Variants in FAM168B observed in about 807,000 individuals in gnomAD.
FAM168B encodes the protein myelin-associated neurite-outgrowth inhibitor.
Under a neutral mutation model 21.8 loss-of-function variants are expected in FAM168B, and 19 were observed. The ratio of observed to expected loss-of-function variants is 0.87; its 90% CI spans 0.61 to 1.28. The LOEUF is 1.28. FAM168B is among the 50% of genes most tolerant of loss of function. The pLI, the probability that FAM168B is intolerant of heterozygous loss-of-function variation, is 0.00. For synonymous variants in FAM168B, 126 were observed against 104.8 expected (o/e 1.20, Z -1.24); for missense variants, 233 against 263.1 (o/e 0.89, Z 0.79).
chr2:131,079,618 C>G (rs1693333608), intron 2 of FAM168B, among the ~76,000 whole-genome samples: 1 of 152,144 alleles, frequency 6.6e-6, no homozygotes, highest in Non-Finnish European at 1.5e-5. Flanking sequence ...TTCCTCTGGG[C>G]CTGCACTAGG....
intron 6 of FAM168B, 50 bp from the exon 7 acceptor site, chr2:131,052,502 G>A (rs555055594): frequency 6.9e-6 from 7 of 1,009,642 alleles, no homozygotes; most frequent in African/African-American, 1.7e-5. Context: ...TTCCGGCACC[G>A]CTATTCCAAA....
Position 131,048,480 on chromosome 2 carries a change from G to A in FAM168B, c.*3985C>T. ...CAAGTGACTTCACTTCAGTCCTGTG[G>A]ACCAAGATAAGGCTATCCCCACAGG... On this transcript the variant is annotated 3_prime_UTR_variant, in exon 7 of 7. Coordinates refer to ENST00000389915, the MANE Select transcript of FAM168B (RefSeq NM_001009993.4). The A allele has an allele frequency of 8.6e-7, 1 of 1,160,648 alleles. No homozygotes were observed. The highest frequency in any genetic ancestry group is 1.1e-6 in the Non-Finnish European group (1 of 915,746). 71.9% of individuals were successfully genotyped at this position (1,160,648 alleles called of 1,614,324 possible).
intron 1 of FAM168B, among the ~76,000 whole-genome samples, chr2:131,087,170 A>C (rs1693750888): frequency 6.6e-6 from 1 of 151,486 alleles, no homozygotes; most frequent in African/African-American, 2.4e-5. Context: ...GAAAAACTTG[A>C]TTAAAGGGCA....
Position 131,049,495 on chromosome 2 carries a change from CTG to C in FAM168B, c.*2968_*2969del, listed in dbSNP as rs892111016. ...CCCATTACCATGACTGGCCCTGACT[CTG>C]GCCCTCACAGAGCGGCAAGTTCATG... On this transcript the variant is annotated 3_prime_UTR_variant, in exon 7 of 7. Coordinates refer to ENST00000389915, the MANE Select transcript of FAM168B (RefSeq NM_001009993.4). The C allele has an allele frequency of 1.0e-6, 1 of 985,342 alleles. No individual in the cohort carries two copies. Among genetic ancestry groups the C allele is most frequent in the African/African-American group, 1.7e-5 (1 of 57,222 alleles). 61.0% of individuals were successfully genotyped at this position (985,342 alleles called of 1,614,324 possible).
chr2:131,090,155 A>AG (rs1270768924), intron 1 of FAM168B, among the ~76,000 whole-genome samples: 1 of 148,054 alleles, frequency 6.8e-6, no homozygotes, highest in African/African-American at 2.5e-5. Flanking sequence ...AAAATACAAA[A>AG]AAAAAAAAAA....
chr2:131,054,700 C>CA (rs1691909979), intron 5 of FAM168B, among the ~76,000 whole-genome samples: 1 of 152,178 alleles, frequency 6.6e-6, no homozygotes, highest in African/African-American at 2.4e-5. Context: ...GACATCAGAT[C>CA]AAACCCCCAG....
In FAM168B at chr2:131,093,378, C is replaced by T. The variant is rs1160192879; in HGVS notation, c.-176G>A. On this transcript the variant is annotated 5_prime_UTR_variant, in exon 1 of 7. Coordinates refer to ENST00000389915, the MANE Select transcript of FAM168B (RefSeq NM_001009993.4). ...CCGCCTCCCGGACGCCGCGCTCCCG[C>T]TCGCTCGGCTCCGCTTGGCCCGGCC... 6.6e-6 allele frequency: 1 copy of T among 150,876 alleles called. No individual in the cohort carries two copies. The highest frequency in any genetic ancestry group is 2.4e-5 in the African/African-American group (1 of 41,304). The allele number at this position is 150,876 out of a possible 1,614,324, so 9.3% of individuals were successfully genotyped here.
At chr2:131,070,203 G>GA (rs1692805031) in intron 3 of FAM168B, among the ~76,000 whole-genome samples, 1 of 152,106 alleles carries the variant, frequency 6.6e-6, no homozygotes, top group African/African-American at 2.4e-5. Context: ...TTAAAAGAAT[G>GA]AAAAAGCCAC....
intron 1 of FAM168B, among the ~76,000 whole-genome samples, chr2:131,084,123 A>C (rs968160952): frequency 1.3e-5 from 2 of 151,594 alleles, no homozygotes; most frequent in African/African-American, 4.9e-5. Flanking sequence ...GGATGGTCTC[A>C]TCTCTTGACC....
intron 3 of FAM168B, among the ~76,000 whole-genome samples, chr2:131,069,637 G>A (rs1248939760): frequency 3.3e-5 from 5 of 151,876 alleles, no homozygotes; most frequent in Admixed American, 1.3e-4. Flanking sequence ...GGGACTACAG[G>A]AGCCCGCCAC....
intron 2 of FAM168B, among the ~76,000 whole-genome samples, chr2:131,073,181 CT>C (rs1382965157): frequency 2.0e-5 from 3 of 149,626 alleles, no homozygotes; most frequent in Non-Finnish European, 4.5e-5. Context: ...CAACCTCCGC[CT>C]CCTGGGTTCA....
chr2:131,089,704 C>A (rs112086194), intron 1 of FAM168B, among the ~76,000 whole-genome samples: 1 of 133,848 alleles, frequency 7.5e-6, no homozygotes, highest in African/African-American at 2.8e-5. Flanking sequence ...GGCAACAGAG[C>A]GAGACTCCAT....
At chr2:131,076,940 T>A (rs1693186027) in intron 2 of FAM168B, among the ~76,000 whole-genome samples, 1 of 151,892 alleles carries the variant, frequency 6.6e-6, no homozygotes, top group Admixed American at 6.6e-5. Context: ...ACACATTCTG[T>A]TAGCCAGGCT....
chr2:131,054,060 T>C (rs1025737493), intron 5 of FAM168B, among the ~76,000 whole-genome samples: 1 of 151,458 alleles, frequency 6.6e-6, no homozygotes, highest in Non-Finnish European at 1.5e-5. Flanking sequence ...CAAAAAAATA[T>C]TAGGCAGGCA....
At chr2:131,057,141 G>C (rs915150076) in intron 3 of FAM168B, among the ~76,000 whole-genome samples, 1 of 152,166 alleles carries the variant, frequency 6.6e-6, no homozygotes, top group Non-Finnish European at 1.5e-5. Flanking sequence ...GTGCAACTTT[G>C]CAAGCCAGAG....
At position 131,048,021 on chromosome 2, in the gene FAM168B, C is replaced by A. The variant is rs1374136367; in HGVS notation, c.*4444G>T. 8.5e-6 allele frequency: 3 copies of A among 351,044 alleles called. No individual in the cohort carries two copies. The highest frequency in any genetic ancestry group is 1.5e-5 in the Non-Finnish European group (3 of 201,560). The allele number at this position is 351,044 out of a possible 1,614,324, so 21.7% of individuals were successfully genotyped here. A position where few individuals can be genotyped will look rare whatever the true frequency, so the allele number is the denominator to read the frequency against. On this transcript the variant is annotated 3_prime_UTR_variant, in exon 7 of 7. Transcript: ENST00000389915. ...TAAAATAGTATCAATTGACACCTAA[C>A]TGAACTGGCTCAGGATGGAAATTCC...
chr2:131,062,195 A>G (rs1227595257), intron 3 of FAM168B, among the ~76,000 whole-genome samples: 2 of 152,198 alleles, frequency 1.3e-5, no homozygotes, highest in East Asian at 3.9e-4. Context: ...AACCTCTAAT[A>G]CAGAGTATAA....
intron 5 of FAM168B, 78 bp downstream of exon 5, chr2:131,055,194 T>C (rs1351067184): frequency 2.3e-6 from 3 of 1,329,264 alleles, no homozygotes; most frequent in Non-Finnish European, 2.0e-6. Flanking sequence ...GAGCCAAGGG[T>C]CAGAGGATTC....
In FAM168B at chr2:131,051,137, G is replaced by A; in HGVS notation, c.*1328C>T. ...TGTCTGTGCTTGCTTTGTGCCAAGT[G>A]CCCTCAGCTGCAAAAGAGATGGCAG... is the stretch of plus-strand genomic sequence containing the variant. On this transcript the variant is annotated 3_prime_UTR_variant, in exon 7 of 7. Transcript: ENST00000389915. 1.0e-6 allele frequency: 1 copy of A among 985,336 alleles called. No homozygotes were observed. The allele number at this position is 985,336 out of a possible 1,614,324, so 61.0% of individuals were successfully genotyped here. A position where few individuals can be genotyped will look rare whatever the true frequency, so the allele number is the denominator to read the frequency against.
Sources: gnomAD v4.1 joint callset for allele counts (sites outside exome capture counted in the v4.1 genomes callset) on GRCh38, gnomAD v4.1.1 for gene constraint, MANE v1.5 for transcripts, NCBI Gene and HGNC (gene_info 2026-07-23, HGNC 2026-07-21) for gene names.